PCDHGA1: variants seen among roughly 807,000 people sequenced by gnomAD.
PCDHGA1 encodes the protein protocadherin gamma subfamily A, 1.
In PCDHGA1, 32 loss-of-function variants were observed where a neutral mutation model predicts 58.0. The ratio of observed to expected loss-of-function variants is 0.55; its 90% CI spans 0.42 to 0.74. The LOEUF is 0.74. Ranked by LOEUF, PCDHGA1 falls within the 30% of genes least tolerant of loss-of-function variation. PCDHGA1 has a pLI of 0.00. For missense variants in PCDHGA1, 1,205 were observed against 1,182.3 expected (o/e 1.02, Z -0.28); for synonymous variants, 498 against 501.1 (o/e 0.99, Z 0.08).
intron 1 of PCDHGA1, chr5:141,410,466 G>A (rs536543649): frequency 6.2e-7 from 1 of 1,613,908 alleles, no homozygotes; most frequent in African/African-American, 1.3e-5. Context: ...TATAATCTGT[G>A]CATTGCACAT....
At chr5:141,344,596 G>A (rs1317190173) in intron 1 of PCDHGA1, 1 of 1,613,836 alleles carries the variant, frequency 6.2e-7, no homozygotes, top group Non-Finnish European at 8.5e-7. Context: ...GTCTCTGAGG[G>A]GGCCAAGTAT....
chr5:141,407,938 GC>G, intron 1 of PCDHGA1: 1 of 510,154 alleles, frequency 2.0e-6, no homozygotes, highest in Non-Finnish European at 3.3e-6. Context: ...GCCTCTGGGC[GC>G]CGCTGTCGGC....
intron 1 of PCDHGA1, among the ~76,000 whole-genome samples, chr5:141,453,258 T>A (rs1336801456): frequency 1.6e-4 from 25 of 152,096 alleles, no homozygotes; most frequent in Admixed American, 1.6e-3. Flanking sequence ...GGGCTGCAAG[T>A]GCACACCACC....
intron 1 of PCDHGA1, chr5:141,352,244 G>C (rs763362885): frequency 1.4e-5 from 22 of 1,613,980 alleles, no homozygotes; most frequent in Non-Finnish European, 3.4e-6. Flanking sequence ...AATCTTCGCG[G>C]ATAGCCTGCA....
At chr5:141,403,501 G>A in intron 1 of PCDHGA1, 1 of 1,614,048 alleles carries the variant, frequency 6.2e-7, no homozygotes, top group South Asian at 1.1e-5. Context: ...TGAACGTGCA[G>A]ACTGGAGACA....
At chr5:141,408,378 TG>T (rs780092463) in intron 1 of PCDHGA1, 2 of 1,614,002 alleles carry the variant, frequency 1.2e-6, no homozygotes, top group Admixed American at 1.7e-5. Flanking sequence ...CTCAGTGTCC[TG>T]GATGTGTCGG....
chr5:141,458,059 T>G (rs533147047), intron 1 of PCDHGA1, among the ~76,000 whole-genome samples: 39 of 152,358 alleles, frequency 2.6e-4, no homozygotes, highest in African/African-American at 8.9e-4. Context: ...CTTGCTGCAC[T>G]GATGCGAACA....
intron 1 of PCDHGA1, chr5:141,382,794 C>T (rs764593779): frequency 9.0e-5 from 88 of 974,042 alleles, no homozygotes; most frequent in Admixed American, 2.4e-5. Context: ...CTCTATCCTG[C>T]TGGATTCTGA....
chr5:141,495,818 GTTC>G (rs2099764072), intron 2 of PCDHGA1, among the ~76,000 whole-genome samples: 1 of 151,904 alleles, frequency 6.6e-6, no homozygotes, highest in South Asian at 2.1e-4. Context: ...AGCGCCTTGT[GTTC>G]TTCTATCCCC....
chr5:141,331,659 G>A lies in PCDHGA1; in HGVS notation c.975G>A (p.Ala325=), dbSNP rs780004804. The change falls in exon 1 of 4, where the codon GCG becomes GCA. Residue 325 remains alanine, a synonymous_variant. Transcript: ENST00000517417. ...YSMEVQAQDG[A]GLMAKVKVLI... Reference sequence around the variant, plus strand: ...TGGAAGTTCAAGCCCAGGATGGTGCGGGGCTCATGGCTAAAGTTAAGGTAC... The same window carrying A: ...TGGAAGTTCAAGCCCAGGATGGTGCAGGGCTCATGGCTAAAGTTAAGGTAC... 55 of 1,613,636 alleles carry A rather than the reference G, an allele frequency of 3.4e-5. No homozygotes were observed. In the East Asian group the frequency reaches 1.0e-3, roughly 30 times the overall value.
intron 1 of PCDHGA1, chr5:141,361,092 C>A: frequency 1.2e-6 from 2 of 1,613,938 alleles, no homozygotes; most frequent in Non-Finnish European, 1.7e-6. Context: ...CTCTGAGTAT[C>A]GAAGCAAAAG....
chr5:141,381,826 CTTTTTTTTTTT>C (rs770630741), intron 1 of PCDHGA1, among the ~76,000 whole-genome samples: 18 of 74,294 alleles, frequency 2.4e-4, no homozygotes, highest in African/African-American at 9.9e-4. Flanking sequence ...CTTTCTTCTT[CTTTTTTTTTTT>C]TTTTTTTTTT....
Position 141,403,170 on chromosome 5 carries a change from A to C in PCDHGA1, c.2421+70065A>C. On this transcript the variant is annotated intron_variant, in intron 1 of 3. Transcript: ENST00000517417. ...CGCATCGTCTCTAGAGGTAGGACGC[A>C]GCTTTTCTCTCTGAACCCGCGCAGC... is the stretch of plus-strand genomic sequence containing the variant. 1 of 1,614,048 alleles carries C rather than the reference A, an allele frequency of 6.2e-7. No homozygotes were observed. Among genetic ancestry groups the C allele is most frequent in the East Asian group, 2.2e-5 (1 of 44,886 alleles).
intron 1 of PCDHGA1, chr5:141,365,934 G>A (rs1488431310): frequency 6.2e-7 from 1 of 1,614,116 alleles, no homozygotes; most frequent in Non-Finnish European, 8.5e-7. Context: ...GTGACAGCCA[G>A]CGACAGTGGG....
chr5:141,494,894 C>A, intron 2 of PCDHGA1, 29 bp downstream of exon 2: 1 of 1,614,116 alleles, frequency 6.2e-7, no homozygotes, highest in South Asian at 1.1e-5. Flanking sequence ...AGCCCACCCT[C>A]TTCTCTGCGG....
At chr5:141,418,433 C>G (rs761824602) in intron 1 of PCDHGA1, 44 of 1,613,938 alleles carry the variant, frequency 2.7e-5, no homozygotes, top group Non-Finnish European at 3.7e-5. Flanking sequence ...TGGCAAATAT[C>G]CAGAATTAGT....
intron 1 of PCDHGA1, chr5:141,395,561 T>C (rs1589266253): frequency 8.5e-6 from 2 of 235,114 alleles, no homozygotes; most frequent in East Asian, 1.7e-4. Context: ...TGTGTGTGTG[T>C]GTGTGTGTGT....
intron 1 of PCDHGA1, chr5:141,396,659 A>G (rs2093416733): frequency 6.6e-6 from 1 of 151,984 alleles, no homozygotes; most frequent in African/African-American, 2.4e-5. Context: ...AAAACTCGGT[A>G]TAGGCTATCC....
At chr5:141,403,672 G>A in intron 1 of PCDHGA1, 1 of 1,613,846 alleles carries the variant, frequency 6.2e-7, no homozygotes, top group Non-Finnish European at 8.5e-7. Context: ...ATAATGCCCC[G>A]GTTTTTGCTC....
Sources: allele counts gnomAD v4.1 joint callset (sites outside exome capture counted in the v4.1 genomes callset), GRCh38; gene constraint gnomAD v4.1.1; transcripts MANE v1.5; gene names NCBI Gene and HGNC (gene_info 2026-07-23, HGNC 2026-07-21).